IDE: variants seen among roughly 807,000 people sequenced by gnomAD.
IDE encodes insulin-degrading enzyme.
A neutral mutation model predicts 133.2 loss-of-function variants in IDE; 58 were observed. The observed-to-expected ratio is 0.44, with a 90% CI of 0.35 to 0.54. The LOEUF (loss-of-function observed/expected upper bound fraction) is 0.54. Ranked by LOEUF, IDE falls within the 20% of genes least tolerant of loss-of-function variation. The pLI is 0.00. For missense variants in IDE, 981 were observed against 1,234.0 expected (o/e 0.79, Z 3.07); for synonymous variants, 396 against 421.3 (o/e 0.94, Z 0.73).
intron 13 of IDE, among the ~76,000 whole-genome samples, chr10:92,485,130 T>C (rs1048090762): frequency 6.4e-5 from 9 of 140,584 alleles, no homozygotes; most frequent in Middle Eastern, 6.9e-3. Context: ...TCTTTCTTTT[T>C]TTTTTTTTTT....
intron 4 of IDE, among the ~76,000 whole-genome samples, chr10:92,516,243 C>A (rs1848922560): frequency 6.6e-6 from 1 of 150,434 alleles, no homozygotes; most frequent in African/African-American, 2.5e-5. Flanking sequence ...TCTGTAATCC[C>A]AGCACTTTGG....
intron 1 of IDE, among the ~76,000 whole-genome samples, chr10:92,556,179 CAAAAAAAAAAA>C (rs60008680): frequency 4.3e-5 from 3 of 69,210 alleles, no homozygotes; most frequent in Admixed American, 2.1e-4. Flanking sequence ...GACTCCGTCT[CAAAAAAAAAAA>C]AAAAAAAAAA....
Position 92,463,791 on chromosome 10 carries a change from A to T in IDE, c.2701T>A (p.Ser901Thr), listed in dbSNP as rs1845523233. 1.2e-6 allele frequency: 2 copies of T among 1,614,020 alleles called. No homozygotes were observed. Among genetic ancestry groups the T allele is most frequent in the East Asian group, 4.5e-5 (2 of 44,902 alleles). ...IRRLDKPKKLSAECAKYWGEI... is the reference protein window; with the variant it reads ...IRRLDKPKKLTAECAKYWGEI... ...CCCCAGTATTTAGCACACTCAGCAG[A>T]TAGCTTCTTTGGTTTGTCTAGTCGA... The change falls in exon 21 of 25, where the codon TCT becomes ACT. Residue 901 changes from serine to threonine, a missense_variant. Ser to Thr is a moderately conservative substitution (Grantham distance 58). This residue lies in a region of IDE where 660 missense variants were observed against 894.7 expected (regional missense o/e 0.74). Coordinates refer to ENST00000265986, the MANE Select transcript of IDE (RefSeq NM_004969.4).
chr10:92,558,895 T>C (rs1039999038), intron 1 of IDE: 36 of 148,582 alleles, frequency 2.4e-4, no homozygotes, highest in African/African-American at 8.7e-4. Context: ...ACGCCCGGCC[T>C]AGAGAATATA....
chr10:92,464,999 C>T (rs1564594936), intron 20 of IDE, among the ~76,000 whole-genome samples: 2 of 152,162 alleles, frequency 1.3e-5, no homozygotes, highest in South Asian at 2.1e-4. Flanking sequence ...ATAACATTTA[C>T]CATGCTGTAC....
chr10:92,495,604 G>GCT (rs959200705), intron 11 of IDE, among the ~76,000 whole-genome samples: 1 of 152,048 alleles, frequency 6.6e-6, no homozygotes, highest in African/African-American at 2.4e-5. Flanking sequence ...ACCCACCTTG[G>GCT]CCTCCTAAAG....
Position 92,504,857 on chromosome 10 carries a change from A to G in IDE, c.1367T>C (p.Leu456Pro), listed in dbSNP as rs1421142209. The change falls in exon 11 of 25, where the codon CTG becomes CCG. Residue 456 changes from leucine (L) to proline (P), a missense_variant. Coordinates refer to ENST00000265986, the MANE Select transcript of IDE (RefSeq NM_004969.4). ...LEEVLTAEYL[L>P]EEFRPDLIEM... ...TATTAAGTCAGGTCTAAATTCTTCC[A>G]GTAAATATTCCGCTGTGAGCACCTC... The G allele has an allele frequency of 1.9e-6, 3 of 1,587,638 alleles. No individual in the cohort carries two copies. Among genetic ancestry groups the G allele is most frequent in the Non-Finnish European group, 2.6e-6 (3 of 1,167,184 alleles).
intron 4 of IDE, among the ~76,000 whole-genome samples, chr10:92,524,800 C>G (rs1344762010): frequency 6.6e-6 from 1 of 151,006 alleles, no homozygotes; most frequent in African/African-American, 2.4e-5. Flanking sequence ...ATGGGCGCTG[C>G]AATCCCAGCT....
chr10:92,512,866 G>A (rs960821621), intron 5 of IDE, among the ~76,000 whole-genome samples: 1 of 152,134 alleles, frequency 6.6e-6, no homozygotes, highest in Non-Finnish European at 1.5e-5. Flanking sequence ...GTGCTAGAGT[G>A]GCTACTACTG....
intron 19 of IDE, among the ~76,000 whole-genome samples, chr10:92,466,412 G>A (rs1845690578): frequency 6.6e-6 from 1 of 151,796 alleles, no homozygotes; most frequent in Non-Finnish European, 1.5e-5. Flanking sequence ...CGCCTACTGG[G>A]TTCAAGCAAT....
At chr10:92,524,055 T>C (rs1468797690) in intron 4 of IDE, among the ~76,000 whole-genome samples, 1 of 151,602 alleles carries the variant, frequency 6.6e-6, no homozygotes, top group Non-Finnish European at 1.5e-5. Flanking sequence ...TTCTAGTTTA[T>C]CAGGAACTAT....
At chr10:92,551,540 C>G (rs1336653059) in intron 1 of IDE, among the ~76,000 whole-genome samples, 15 of 148,038 alleles carry the variant, frequency 1.0e-4, no homozygotes, top group African/African-American at 3.0e-4. Context: ...TGCACTCCAG[C>G]CTGGTGACAG....
intron 1 of IDE, among the ~76,000 whole-genome samples, chr10:92,544,957 T>A (rs1163039515): frequency 6.6e-6 from 1 of 152,184 alleles, no homozygotes; most frequent in African/African-American, 2.4e-5. Context: ...TTTAAAAGTA[T>A]ACATTAAACC....
At chr10:92,539,510 A>T (rs561598763) in intron 1 of IDE, among the ~76,000 whole-genome samples, 1 of 152,182 alleles carries the variant, frequency 6.6e-6, no homozygotes, top group Non-Finnish European at 1.5e-5. Flanking sequence ...TCGCGCCTGT[A>T]ATCTCAGCAC....
chr10:92,511,097 A>C (rs1279947037), intron 5 of IDE, among the ~76,000 whole-genome samples: 21 of 150,790 alleles, frequency 1.4e-4, no homozygotes, highest in African/African-American at 2.7e-4. Flanking sequence ...AAAAAAAAAA[A>C]AAAACTTTTT....
At chr10:92,471,424 T>G (rs977694622) in intron 17 of IDE, among the ~76,000 whole-genome samples, 1 of 152,218 alleles carries the variant, frequency 6.6e-6, no homozygotes, top group Admixed American at 6.5e-5. Context: ...ACTTTAAAGA[T>G]AGGAAAATGA....
At chr10:92,565,495 G>C (rs182034841) in intron 1 of IDE, among the ~76,000 whole-genome samples, 31 of 151,790 alleles carry the variant, frequency 2.0e-4, no homozygotes, top group African/African-American at 7.5e-4. Flanking sequence ...TCTTTGGCTA[G>C]AACTTCAGAC....
At chr10:92,555,849 A>G (rs905817650) in intron 1 of IDE, among the ~76,000 whole-genome samples, 50 of 152,352 alleles carry the variant, frequency 3.3e-4, no homozygotes, top group Admixed American at 1.1e-3. Flanking sequence ...CAATTAGGCA[A>G]GAAAATGAAA....
Position 92,483,332 on chromosome 10 carries a change from T to G in IDE, c.1662A>C (p.Thr554=), listed in dbSNP as rs148647082. The change falls in exon 14 of 25, where the codon ACA becomes ACC. Residue 554 remains threonine, a synonymous_variant. Coordinates refer to ENST00000265986, the MANE Select transcript of IDE (RefSeq NM_004969.4). ...ATPYPALIKD[T]AMSKLWFKQD... Reference sequence around the variant, plus strand: ...GTTTGAACCAAAGTTTGCTCATAGCTGTATCCTGTGATGGAGAAACAATTT... The same window carrying G: ...GTTTGAACCAAAGTTTGCTCATAGCGGTATCCTGTGATGGAGAAACAATTT... 65 of 1,595,312 alleles carry G rather than the reference T, an allele frequency of 4.1e-5. 1 individual carries two copies. The highest frequency in any genetic ancestry group is 9.5e-6 in the Non-Finnish European group (11 of 1,163,512).
Sources: gnomAD v4.1 joint callset for allele counts (sites outside exome capture counted in the v4.1 genomes callset) on GRCh38, gnomAD v4.1.1 for gene constraint, gnomAD v4.1.1 regional missense constraint, MANE v1.5 for transcripts, NCBI Gene and HGNC (gene_info 2026-07-23, HGNC 2026-07-21) for gene names.